Variants in A2M observed in about 807,000 individuals in gnomAD.
The protein encoded by A2M is alpha-2-macroglobulin, also known as C3 and PZP-like alpha-2-macroglobulin domain-containing protein 5.
Under a neutral mutation model 183.9 loss-of-function variants are expected in A2M, and 128 were observed. That is an observed-to-expected ratio of 0.70 (90% CI 0.60 to 0.81). A2M has a LOEUF of 0.81. Among genes scored for constraint, A2M ranks in the 30% least tolerant of loss-of-function variants. The pLI is 0.00. For synonymous variants in A2M, 592 were observed against 670.8 expected (o/e 0.88, Z 1.81); for missense variants, 1,495 against 1,787.6 (o/e 0.84, Z 2.95).
In A2M at chr12:9,110,019, C is replaced by T. The variant is rs369574498; in HGVS notation, c.521G>A (p.Arg174His). ...LVYIQDPKGNRIAQWQSFQLE... is the reference protein window; with the variant it reads ...LVYIQDPKGNHIAQWQSFQLE... ...CTGGAAACTCTGCCATTGTGCGATG[C>T]GATTTCCTTTGGGATCCTATATGAG... The change falls in exon 6 of 36, where the codon CGC becomes CAC. Residue 174 changes from arginine (R) to histidine (H), a missense_variant. Transcript: ENST00000318602. 4.4e-5 allele frequency: 71 copies of T among 1,611,138 alleles called. No homozygotes were observed. Among genetic ancestry groups the T allele is most frequent in the African/African-American group, 6.7e-5 (5 of 74,682 alleles).
intron 11 of A2M, among the ~76,000 whole-genome samples, 176 bp from the exon 12 acceptor site, chr12:9,101,850 T>A (rs745781669): frequency 6.6e-6 from 1 of 152,308 alleles, no homozygotes; most frequent in South Asian, 2.1e-4. Flanking sequence ...AATGTAGGCA[T>A]GCTTTGTGAC....
chr12:9,099,666 A>C (rs1937672352), intron 13 of A2M, 143 bp from the exon 14 acceptor site: 2 of 995,448 alleles, frequency 2.0e-6, no homozygotes, highest in Non-Finnish European at 2.9e-6. Context: ...AACCCTATCA[A>C]AGCCCTCTCT....
chr12:9,090,969 C>G (rs1028518959), intron 19 of A2M, among the ~76,000 whole-genome samples: 3 of 151,984 alleles, frequency 2.0e-5, no homozygotes, highest in Non-Finnish European at 4.4e-5. Context: ...CTTTTGTCAC[C>G]CCTGTCAGAA....
chr12:9,102,696 C>T (rs1032377376), intron 11 of A2M, among the ~76,000 whole-genome samples: 1 of 152,176 alleles, frequency 6.6e-6, no homozygotes, highest in South Asian at 2.1e-4. Flanking sequence ...ACATTTTGTT[C>T]ATATCTTAAT....
chr12:9,103,134 G>A (rs908851634), intron 11 of A2M, among the ~76,000 whole-genome samples: 1 of 152,104 alleles, frequency 6.6e-6, no homozygotes, highest in Non-Finnish European at 1.5e-5. Flanking sequence ...AATTTTTGGA[G>A]TATATATATT....
chr12:9,101,483 G>C lies in A2M; in HGVS notation c.1458C>G (p.Thr486=), dbSNP rs775696433. 1 of 1,613,826 alleles carries C rather than the reference G, an allele frequency of 6.2e-7. No homozygotes were observed. The highest frequency in any genetic ancestry group is 1.1e-5 in the South Asian group (1 of 91,040). ...VQAHYILNGG[T]LLGLKKLSFY... ...AGGAGAGCTTCTTCAGCCCCAGCAG[G>C]GTGCCTCCATTCAGAATATAATGTG... is the stretch of plus-strand genomic sequence containing the variant. The change falls in exon 12 of 36, where the codon ACC becomes ACG. Residue 486 remains threonine (T), a synonymous_variant. Coordinates refer to ENST00000318602, the MANE Select transcript of A2M (RefSeq NM_000014.6).
rs966644339 is a variant in A2M at position 9,095,921 on chromosome 12, G to A, written c.1852-221C>T. Among the ~76,000 whole-genome samples, 5 of 150,898 alleles carry A rather than the reference G, an allele frequency of 3.3e-5. No homozygotes were observed. In the East Asian group the frequency reaches 5.8e-4, roughly 18 times the overall value. On this transcript the variant is annotated intron_variant, in intron 15 of 35. Transcript: ENST00000318602. ...ACTACAGGCGCCCGCCACCGCGCCC[G>A]GCTAATTTTTTGTATTTTTAGTAGA...
chr12:9,080,390 G>A (rs185692567), intron 22 of A2M: 23 of 354,480 alleles, frequency 6.5e-5, no homozygotes, highest in African/African-American at 4.6e-4. Context: ...GATCTTTTCA[G>A]TAATTTATGT....
At chr12:9,087,790 GAAC>G (rs1269571610) in intron 22 of A2M, among the ~76,000 whole-genome samples, 3 of 152,032 alleles carry the variant, frequency 2.0e-5, no homozygotes, top group South Asian at 2.1e-4. Flanking sequence ...TGTAATTAAA[GAAC>G]AACAACAACA....
intron 11 of A2M, 122 bp from the exon 12 acceptor site, chr12:9,101,796 A>G (rs762933660): frequency 3.4e-4 from 272 of 803,128 alleles, no homozygotes; most frequent in Admixed American, 1.4e-4. Flanking sequence ...TTGTTCCACA[A>G]TGAAAAGTGG....
chr12:9,085,493 CAT>C (rs1274459085), intron 22 of A2M, among the ~76,000 whole-genome samples: 1 of 151,798 alleles, frequency 6.6e-6, no homozygotes, highest in East Asian at 1.9e-4. Context: ...CATAACAAAA[CAT>C]AGCATAAAGT....
chr12:9,073,060 C>A (rs1048009643), intron 29 of A2M, among the ~76,000 whole-genome samples, 189 bp from the exon 30 acceptor site: 1 of 151,970 alleles, frequency 6.6e-6, no homozygotes, highest in Non-Finnish European at 1.5e-5. Context: ...CACATATCTA[C>A]CTTGGACTGT....
intron 7 of A2M, among the ~76,000 whole-genome samples, chr12:9,108,407 TGAGCCACCACGCCGGGCCTG>T (rs1938472835): frequency 6.6e-6 from 1 of 152,154 alleles, no homozygotes; most frequent in Admixed American, 6.5e-5. Flanking sequence ...ATTACAGGCG[TGAGCCACCACGCCGGGCCTG>T]TTTACTTTTT....
chr12:9,073,561 T>G (rs1312528697), intron 29 of A2M, among the ~76,000 whole-genome samples: 1 of 152,234 alleles, frequency 6.6e-6, no homozygotes, highest in Non-Finnish European at 1.5e-5. Context: ...TTAGTTTTTT[T>G]CATTCATATG....
rs201250659 is a variant in A2M at position 9,095,046 on chromosome 12, A to G, written c.2052T>C (p.Arg684=). ...GAAGCTGTGGACACATTTTGGGTTT[A>G]CGAATCTTTGAGTTGGTGAATGCCT... The part of the protein sequence containing the change: ...GLKAFTNSKI[R]KPKMCPQLQQ... The change falls in exon 17 of 36, where the codon CGT becomes CGC. Residue 684 remains arginine, a synonymous_variant. Coordinates refer to ENST00000318602, the MANE Select transcript of A2M (RefSeq NM_000014.6). The G allele has an allele frequency of 6.3e-7, 1 of 1,596,506 alleles. No individual in the cohort carries two copies. Among genetic ancestry groups the G allele is most frequent in the Non-Finnish European group, 8.5e-7 (1 of 1,170,376 alleles).
chr12:9,112,174 G>A lies in A2M; in HGVS notation c.468C>T (p.His156=). ...GAAAACTCACCAACTCATTCAGGGGGTGAAAGTTTTCATCCATGGAGACAA... is the reference window on the plus strand; with the variant it reads ...GAAAACTCACCAACTCATTCAGGGGATGAAAGTTTTCATCCATGGAGACAA... The part of the protein sequence containing the change: ...FRVVSMDENF[H]PLNELIPLVY... The change falls in exon 4 of 36, where the codon CAC becomes CAT. Residue 156 remains histidine (H), a synonymous_variant. Coordinates refer to ENST00000318602, the MANE Select transcript of A2M (RefSeq NM_000014.6). 3.1e-6 allele frequency: 5 copies of A among 1,613,726 alleles called. No individual in the cohort carries two copies. The highest frequency in any genetic ancestry group is 4.2e-6 in the Non-Finnish European group (5 of 1,179,718).
intron 4 of A2M, chr12:9,111,408 G>A (rs983229895): frequency 2.5e-6 from 1 of 403,816 alleles, no homozygotes. Context: ...ACAGAGGAGT[G>A]AAAGTAGAAG....
intron 16 of A2M, 130 bp from the exon 17 acceptor site, chr12:9,095,214 G>T: frequency 1.9e-6 from 1 of 538,172 alleles, no homozygotes; most frequent in Non-Finnish European, 3.2e-6. Context: ...CACATCTGTA[G>T]AAGGGATATT....
chr12:9,098,779 C>T, intron 14 of A2M, 23 bp from the exon 15 acceptor site: 1 of 1,609,240 alleles, frequency 6.2e-7, no homozygotes, highest in Non-Finnish European at 8.5e-7. Context: ...AACAAAAGGT[C>T]AGAAAAGCAA....
Sources: gnomAD v4.1 joint callset for allele counts (sites outside exome capture counted in the v4.1 genomes callset) on GRCh38, gnomAD v4.1.1 for gene constraint, MANE v1.5 for transcripts, NCBI Gene and HGNC (gene_info 2026-07-23, HGNC 2026-07-21) for gene names.